The following LZTS1 variants were observed in gnomAD, a reference collection of about 807,000 sequenced individuals.
LZTS1 encodes the protein leucine zipper tumor suppressor 1, also known as leucine zipper putative tumor suppressor 1.
Under a neutral mutation model 45.8 loss-of-function variants are expected in LZTS1, and 31 were observed. The observed-to-expected ratio is 0.68, with a 90% confidence interval of 0.51 to 0.91. The LOEUF (loss-of-function observed/expected upper bound fraction) is 0.91, where lower values mean the gene tolerates loss of function less well. Among genes scored for constraint, LZTS1 ranks in the 40% least tolerant of loss-of-function variants. The probability of loss-of-function intolerance (pLI) is 0.00; values close to 1 mark genes in which losing one functional copy is unlikely to be tolerated. For missense variants in LZTS1, 821 were observed against 788.9 expected (o/e 1.04, Z -0.49); for synonymous variants, 359 against 357.3 (o/e 1.00, Z -0.05).
chr8:20,270,633 C>A (rs1800452984), intron 1 of LZTS1, among the ~76,000 whole-genome samples: 2 of 152,122 alleles, frequency 1.3e-5, no homozygotes, highest in Admixed American at 1.3e-4. Context: ...AGAGGGAGAA[C>A]TTAGGACAAA....
At chr8:20,260,424 C>T (rs547299694) in intron 1 of LZTS1, among the ~76,000 whole-genome samples, 7 of 152,140 alleles carry the variant, frequency 4.6e-5, no homozygotes, top group Admixed American at 1.3e-4. Context: ...GGTGGGATGC[C>T]GTGGCCCTGG....
At chr8:20,270,181 A>G (rs1800444056) in intron 1 of LZTS1, among the ~76,000 whole-genome samples, 1 of 152,254 alleles carries the variant, frequency 6.6e-6, no homozygotes, top group African/African-American at 2.4e-5. Context: ...CGTAGGTGGC[A>G]TGTCCTAGGC....
chr8:20,275,346 A>T (rs56306027), intron 1 of LZTS1, among the ~76,000 whole-genome samples: 50,027 of 136,200 alleles, frequency 0.37, 9,881 homozygotes, highest in Non-Finnish European at 0.45. Flanking sequence ...AGGTTGCAGT[A>T]AGCCGAGATG....
chr8:20,249,095 C>G lies in LZTS1; in HGVS notation c.*627G>C, dbSNP rs1206239780. 6.5e-6 allele frequency: 1 copy of G among 153,250 alleles called. No individual in the cohort carries two copies. Among genetic ancestry groups the G allele is most frequent in the Non-Finnish European group, 1.5e-5 (1 of 68,522 alleles). The allele number at this position is 153,250 out of a possible 1,614,324, so 9.5% of individuals were successfully genotyped here. On this transcript the variant is annotated 3_prime_UTR_variant, in exon 4 of 4. Coordinates refer to ENST00000381569, the MANE Select transcript of LZTS1 (RefSeq NM_021020.5). ...GGCTCTCAACCCTTGGATTCTCCCTCTGCCCTCCTCTGGCTGTGGCAGGGT... is the reference window on the plus strand; with the variant it reads ...GGCTCTCAACCCTTGGATTCTCCCTGTGCCCTCCTCTGGCTGTGGCAGGGT...
chr8:20,267,514 T>A (rs1438366885), intron 1 of LZTS1, among the ~76,000 whole-genome samples: 2 of 152,008 alleles, frequency 1.3e-5, no homozygotes, highest in Non-Finnish European at 2.9e-5. Flanking sequence ...AGACACTTGT[T>A]TTTTTGCTTG....
rs1799853156 is a variant in LZTS1, at chr8:20,250,145, G to C, written c.1368C>G (p.Arg456=). 2 of 1,608,750 alleles carry C rather than the reference G, an allele frequency of 1.2e-6. No homozygotes were observed. Among genetic ancestry groups the C allele is most frequent in the Non-Finnish European group, 1.7e-6 (2 of 1,179,204 alleles). ...GCAGCAGCTCCGCCTCGTTCTTCTT[G>C]CGCTGCAGCTCATTCTCACAGACCT... ...ELEVCENELQ[R]KKNEAELLRE... Residue 456 remains arginine (R), a synonymous_variant, in exon 4 of 4, where the codon CGC becomes CGG. Coordinates refer to ENST00000381569, the MANE Select transcript of LZTS1 (RefSeq NM_021020.5).
chr8:20,265,964 G>C (rs1461209988), intron 1 of LZTS1, among the ~76,000 whole-genome samples: 1 of 151,966 alleles, frequency 6.6e-6, no homozygotes, highest in Non-Finnish European at 1.5e-5. Flanking sequence ...TAGCACTAAA[G>C]CTTCTTTGTA....
intron 1 of LZTS1, among the ~76,000 whole-genome samples, chr8:20,288,987 GTTTTTTTTTT>G (rs59572169): frequency 1.7e-5 from 2 of 119,698 alleles, no homozygotes; most frequent in East Asian, 5.4e-4. Flanking sequence ...ATAGCAGCTG[GTTTTTTTTTT>G]TTTTTTTTTT....
Position 20,254,934 on chromosome 8 carries a change from G to A in LZTS1, c.248C>T (p.Thr83Met), listed in dbSNP as rs200478983. The A allele has an allele frequency of 9.0e-5, 145 of 1,614,092 alleles. No homozygotes were observed. Among genetic ancestry groups the A allele is most frequent in the East Asian group, 3.1e-4 (14 of 44,890 alleles). ...KARGSHHPDYTALSSGDLGGQ... is the reference protein window; with the variant it reads ...KARGSHHPDYMALSSGDLGGQ... ...CCCTAAATCCCCGCTGGACAGTGCC[G>A]TGTAATCTGGGTGATGGGAGCCCCG... The change falls in exon 2 of 4, where the codon ACG becomes ATG. Residue 83 changes from threonine (T) to methionine (M), a missense_variant. Physicochemically the swap from Thr to Met is moderately conservative, Grantham distance 81. Coordinates refer to ENST00000381569, the MANE Select transcript of LZTS1 (RefSeq NM_021020.5).
At chr8:20,277,250 T>TTAC (rs1443301176) in intron 1 of LZTS1, among the ~76,000 whole-genome samples, 2 of 152,208 alleles carry the variant, frequency 1.3e-5, no homozygotes, top group African/African-American at 4.8e-5. Context: ...CCTTGGCAGT[T>TTAC]TACAAATGCC....
chr8:20,259,559 A>G (rs1026564259), intron 1 of LZTS1, among the ~76,000 whole-genome samples: 2 of 152,108 alleles, frequency 1.3e-5, no homozygotes, highest in Admixed American at 1.3e-4. Context: ...CAGTCTTCCC[A>G]CTGTGTTAGA....
In LZTS1 at chr8:20,251,140, T is replaced by TATATATATATATATATATATATATAA. The variant is rs1563850986; in HGVS notation, c.1150-778_1150-777insTTATATATATATATATATATATATAT. ...ATATATATATATATATATATATATA[T>TATATATATATATATATATATATATAA]ATATATATAAAATATAAAGTATAAG... On this transcript the variant is annotated intron_variant, in intron 3 of 3. Transcript: ENST00000381569. Among the ~76,000 whole-genome samples the TATATATATATATATATATATATATAA allele has an allele frequency of 1.3e-4, 11 of 86,466 alleles. 1 individual carries two copies. The highest frequency in any genetic ancestry group is 5.4e-4 in the African/African-American group (11 of 20,208). The allele number at this position is 86,466 out of a possible 152,430, so 56.7% of individuals were successfully genotyped here. A position where few individuals can be genotyped will look rare whatever the true frequency, so the allele number is the denominator to read the frequency against.
chr8:20,278,584 T>G (rs940912472), intron 1 of LZTS1, among the ~76,000 whole-genome samples: 2 of 152,206 alleles, frequency 1.3e-5, no homozygotes, highest in Non-Finnish European at 2.9e-5. Flanking sequence ...TCACTCCTGC[T>G]CTAAAACTTG....
chr8:20,264,201 T>C lies in LZTS1; in HGVS notation c.-134-8886A>G, dbSNP rs547328780. 3.0e-4 allele frequency among the ~76,000 whole-genome samples: 46 copies of C among 152,338 alleles called. 1 individual carries two copies. In the South Asian group the frequency reaches 9.5e-3, roughly 32 times the overall value. On this transcript the variant is annotated intron_variant, in intron 1 of 3. Coordinates refer to ENST00000381569, the MANE Select transcript of LZTS1 (RefSeq NM_021020.5). ...TTGTTTTATTCGACCTTTTATTTGATACTTCGGATCCATGCATATTGACAG... is the reference window on the plus strand; with the variant it reads ...TTGTTTTATTCGACCTTTTATTTGACACTTCGGATCCATGCATATTGACAG...
At chr8:20,272,266 C>G (rs1217501078) in intron 1 of LZTS1, among the ~76,000 whole-genome samples, 1 of 152,178 alleles carries the variant, frequency 6.6e-6, no homozygotes. Context: ...CCACGATGTG[C>G]AGCTGCTGAT....
intron 1 of LZTS1, among the ~76,000 whole-genome samples, chr8:20,294,386 C>G (rs1352089311): frequency 6.6e-6 from 1 of 152,256 alleles, no homozygotes; most frequent in African/African-American, 2.4e-5. Flanking sequence ...GGCTGCACAG[C>G]CTTTGAGCAG....
chr8:20,266,683 G>C (rs1475899756), intron 1 of LZTS1, among the ~76,000 whole-genome samples: 3 of 152,178 alleles, frequency 2.0e-5, no homozygotes, highest in African/African-American at 7.2e-5. Flanking sequence ...AAACAAAAAG[G>C]GTTTAAAAAG....
chr8:20,249,599 C>T lies in LZTS1; in HGVS notation c.*123G>A. The T allele has an allele frequency of 7.9e-7, 1 of 1,269,006 alleles. No homozygotes were observed. The highest frequency in any genetic ancestry group is 1.1e-6 in the Non-Finnish European group (1 of 933,510). The allele number at this position is 1,269,006 out of a possible 1,614,324, so 78.6% of individuals were successfully genotyped here. On this transcript the variant is annotated 3_prime_UTR_variant, in exon 4 of 4. Coordinates refer to ENST00000381569, the MANE Select transcript of LZTS1 (RefSeq NM_021020.5). ...CCATCCTGCCCTCCCCTCGGGGGTC[C>T]TGGGTCTGTGTCCCAGGGAGTGGCG...
At position 20,249,530 on chromosome 8, in the gene LZTS1, T is replaced by C; in HGVS notation, c.*192A>G. 1.5e-6 allele frequency: 1 copy of C among 667,786 alleles called. No individual in the cohort carries two copies. Among genetic ancestry groups the C allele is most frequent in the Non-Finnish European group, 2.5e-6 (1 of 401,792 alleles). 41.4% of individuals were successfully genotyped at this position (667,786 alleles called of 1,614,324 possible). On this transcript the variant is annotated 3_prime_UTR_variant, in exon 4 of 4. Coordinates refer to ENST00000381569, the MANE Select transcript of LZTS1 (RefSeq NM_021020.5). Reference sequence around the variant, plus strand: ...AGTCAGGGCCTGACGTCTGGTGGGCTGCAGGGCTGGTGAGCACTGGGACAT... The same window carrying C: ...AGTCAGGGCCTGACGTCTGGTGGGCCGCAGGGCTGGTGAGCACTGGGACAT...
Sources: gnomAD v4.1 joint callset for allele counts (sites outside exome capture counted in the v4.1 genomes callset) on GRCh38, gnomAD v4.1.1 for gene constraint, MANE v1.5 for transcripts, NCBI Gene and HGNC (gene_info 2026-07-23, HGNC 2026-07-21) for gene names.